NLGN1: variants seen among roughly 807,000 people sequenced by gnomAD.
The protein encoded by NLGN1 is neuroligin-1.
Under a neutral mutation model 65.5 loss-of-function variants are expected in NLGN1, and 12 were observed. The observed-to-expected ratio is 0.18, with a 90% confidence interval of 0.12 to 0.30. NLGN1 has a LOEUF of 0.30. Among genes scored for constraint, NLGN1 ranks in the 10% least tolerant of loss-of-function variants. NLGN1 has a pLI of 1.00. For synonymous variants in NLGN1, 350 were observed against 359.5 expected (o/e 0.97, Z 0.30); for missense variants, 750 against 1,007.1 (o/e 0.74, Z 3.46).
At chr3:174,132,634 G>A (rs1055830779) in intron 4 of NLGN1, among the ~76,000 whole-genome samples, 2 of 152,108 alleles carry the variant, frequency 1.3e-5, no homozygotes, top group Non-Finnish European at 2.9e-5. Context: ...GACTAGTCAC[G>A]TGGGCTTAAG....
intron 3 of NLGN1, among the ~76,000 whole-genome samples, chr3:173,679,243 T>G (rs547524399): frequency 2.0e-5 from 3 of 151,500 alleles, no homozygotes; most frequent in African/African-American, 7.3e-5. Context: ...AATGATTCAC[T>G]AGGGCTAGTA....
chr3:173,599,264 G>A (rs1173168613), intron 2 of NLGN1, among the ~76,000 whole-genome samples: 1 of 152,096 alleles, frequency 6.6e-6, no homozygotes, highest in Non-Finnish European at 1.5e-5. Context: ...GCGTCAAACA[G>A]TTTATATACA....
chr3:173,821,183 C>G (rs1260232590), intron 4 of NLGN1, among the ~76,000 whole-genome samples: 1 of 152,120 alleles, frequency 6.6e-6, no homozygotes, highest in East Asian at 1.9e-4. Flanking sequence ...AGAGGTGAGG[C>G]ATATCCCTGA....
chr3:173,662,065 C>T (rs939608021), intron 3 of NLGN1, among the ~76,000 whole-genome samples: 5 of 151,968 alleles, frequency 3.3e-5, no homozygotes, highest in Admixed American at 6.6e-5. Flanking sequence ...ATTTGACTCT[C>T]CGTGTATGGC....
chr3:173,753,174 C>T (rs916179951), intron 3 of NLGN1, among the ~76,000 whole-genome samples: 5 of 152,084 alleles, frequency 3.3e-5, no homozygotes, highest in African/African-American at 1.2e-4. Context: ...TCATTTCATC[C>T]AGACTCCTGG....
chr3:173,619,073 A>T (rs1297172801), intron 3 of NLGN1, among the ~76,000 whole-genome samples: 1 of 152,076 alleles, frequency 6.6e-6, no homozygotes, highest in Non-Finnish European at 1.5e-5. Context: ...TTCATTTTGT[A>T]CTGGATCCTA....
chr3:173,605,016 G>T (rs780313510), exon 3 of NLGN1: 10 of 1,613,276 alleles, frequency 6.2e-6, no homozygotes, highest in Non-Finnish European at 8.5e-6. Context: ...TAATAACTTG[G>T]ATGTGGTTTC....
chr3:173,760,999 A>G (rs989914586), intron 3 of NLGN1, among the ~76,000 whole-genome samples: 6 of 151,990 alleles, frequency 3.9e-5, no homozygotes, highest in Admixed American at 2.0e-4. Context: ...GGCCTATAAC[A>G]ATTTTTAGAG....
chr3:173,707,074 T>C (rs989915811), intron 3 of NLGN1, among the ~76,000 whole-genome samples: 19 of 152,224 alleles, frequency 1.2e-4, no homozygotes, highest in African/African-American at 4.3e-4. Context: ...CTGTCTTTAA[T>C]TTGACTTAGG....
chr3:174,259,814 C>T (rs1397267846), intron 4 of NLGN1, among the ~76,000 whole-genome samples: 4 of 149,626 alleles, frequency 2.7e-5, no homozygotes, highest in Non-Finnish European at 5.9e-5. Context: ...AGGTATATCT[C>T]CCAATGCTAT....
intron 2 of NLGN1, among the ~76,000 whole-genome samples, chr3:173,558,023 C>T (rs377170458): frequency 1.3e-5 from 2 of 151,884 alleles, no homozygotes; most frequent in Non-Finnish European, 2.9e-5. Flanking sequence ...TTTGGATTAA[C>T]AAATATTCTT....
chr3:173,747,802 T>TTCTTC lies in NLGN1; in HGVS notation c.494-59877_494-59876insCTTCT, dbSNP rs1491271594. On this transcript the variant is annotated intron_variant, in intron 3 of 6. Coordinates refer to ENST00000457714, the Ensembl canonical transcript of NLGN1. ...ATTTTCTTTCTTCTTCTTCTTGTTC[T>TTCTTC]TTTTTTTTTTTTTTTTTTTTTTTTT... 9.3e-4 allele frequency among the ~76,000 whole-genome samples: 27 copies of TTCTTC among 28,938 alleles called. 1 individual carries two copies. Among genetic ancestry groups the TTCTTC allele is most frequent in the East Asian group, 6.4e-3 (3 of 466 alleles). 19.0% of individuals were successfully genotyped at this position (28,938 alleles called of 152,430 possible).
At chr3:173,887,891 CA>C (rs1734654941) in intron 4 of NLGN1, among the ~76,000 whole-genome samples, 1 of 151,798 alleles carries the variant, frequency 6.6e-6, no homozygotes, top group Non-Finnish European at 1.5e-5. Context: ...CCACTTCTAC[CA>C]CTACTGTCAT....
At position 173,456,556 on chromosome 3, in the gene NLGN1, G is replaced by C. The variant is rs146878396; in HGVS notation, c.-321+21478G>C. Among the ~76,000 whole-genome samples, 283 of 152,284 alleles carry C rather than the reference G, an allele frequency of 1.9e-3. 1 individual carries two copies. The highest frequency in any genetic ancestry group is 6.7e-3 in the African/African-American group (279 of 41,558). On this transcript the variant is annotated intron_variant, in intron 2 of 6. Transcript: ENST00000457714. ...ACCTGGATTACAGGAAACATTCAAT[G>C]ATTGTAGCTATAGTATCTGTCAAAG...
At chr3:173,545,942 CA>C (rs1739732620) in intron 2 of NLGN1, among the ~76,000 whole-genome samples, 1 of 151,382 alleles carries the variant, frequency 6.6e-6, no homozygotes, top group Non-Finnish European at 1.5e-5. Context: ...TGGGGCCTGT[CA>C]GGGGGTGGGG....
rs35623695 is a variant in NLGN1, at chr3:174,146,093, TTTCCTTCCTTCCTTCCTTCCTTCCTTCC to T, written c.647-129188_647-129161del. ...ATAACCTATTAATCTATTCTACTCT[TTTCCTTCCTTCCTTCCTTCCTTCCTTCC>T]TTCCTTCCTTCCTTCCTTCCTTCCT... is the stretch of plus-strand genomic sequence containing the variant. On this transcript the variant is annotated intron_variant, in intron 4 of 6. Transcript: ENST00000457714. Among the ~76,000 whole-genome samples the T allele has an allele frequency of 5.6e-3, 705 of 125,178 alleles. 7 individuals carry two copies. The highest frequency in any genetic ancestry group is 0.019 in the African/African-American group (651 of 33,458). The allele number at this position is 125,178 out of a possible 152,430, so 82.1% of individuals were successfully genotyped here. A position where few individuals can be genotyped will look rare whatever the true frequency, so the allele number is the denominator to read the frequency against.
At chr3:173,512,265 G>A (rs568638261) in intron 2 of NLGN1, among the ~76,000 whole-genome samples, 1 of 152,360 alleles carries the variant, frequency 6.6e-6, no homozygotes, top group South Asian at 2.1e-4. Flanking sequence ...TTCACACCCA[G>A]TGCATCTTGA....
chr3:174,065,734 G>T (rs1229353985), intron 4 of NLGN1, among the ~76,000 whole-genome samples: 1 of 151,772 alleles, frequency 6.6e-6, no homozygotes, highest in Non-Finnish European at 1.5e-5. Flanking sequence ...AAAACAACAT[G>T]ACATTTCTGT....
intron 2 of NLGN1, among the ~76,000 whole-genome samples, chr3:173,435,231 T>C (rs1024534019): frequency 3.3e-5 from 5 of 152,206 alleles, no homozygotes; most frequent in Non-Finnish European, 7.3e-5. Flanking sequence ...TGTTGAACAA[T>C]TTTAATACTT....
Sources: allele counts gnomAD v4.1 joint callset (sites outside exome capture counted in the v4.1 genomes callset), GRCh38; gene constraint gnomAD v4.1.1; transcripts MANE v1.5; gene names NCBI Gene and HGNC (gene_info 2026-07-23, HGNC 2026-07-21).